The following UPB1 variants were observed in gnomAD, a reference collection of about 807,000 sequenced individuals.
The protein encoded by UPB1 is beta-ureidopropionase 1, also known as beta-ureidopropionase.
In UPB1, 40 loss-of-function variants were observed where a neutral mutation model predicts 49.1. That is an observed-to-expected ratio of 0.81 (90% CI 0.63 to 1.06). The LOEUF (loss-of-function observed/expected upper bound fraction) is 1.06, where lower values mean the gene tolerates loss of function less well. UPB1 is among the 50% of genes least tolerant of loss of function. UPB1 has a pLI of 0.00. For missense variants in UPB1, 499 were observed against 505.9 expected (o/e 0.99, Z 0.13); for synonymous variants, 207 against 198.2 (o/e 1.04, Z -0.38).
chr22:24,520,155 T>A, intron 6 of UPB1: 2 of 584,636 alleles, frequency 3.4e-6, no homozygotes, highest in Non-Finnish European at 6.1e-6. Context: ...CAAAGGCTGT[T>A]CAGGCCAGGG....
intron 2 of UPB1, among the ~76,000 whole-genome samples, chr22:24,501,657 G>C (rs181375471): frequency 6.6e-6 from 1 of 152,216 alleles, no homozygotes; most frequent in Non-Finnish European, 1.5e-5. Flanking sequence ...ACCAAAGCAC[G>C]GGGATTTAAA....
In UPB1 at chr22:24,502,148, T is replaced by C. The variant is rs1302175546; in HGVS notation, c.299T>C (p.Ile100Thr). The C allele has an allele frequency of 2.5e-6, 4 of 1,614,132 alleles. No homozygotes were observed. The highest frequency in any genetic ancestry group is 3.3e-5 in the Admixed American group (2 of 60,010). ...CAGGTCTCTGCCCTTCATAGACGCA[T>C]AAAGGCTATCGTAGAGGTGGCTGCA... ...AEQVSALHRR[I>T]KAIVEVAAMC... The change falls in exon 3 of 10, where the codon ATA (isoleucine) becomes ACA (threonine). Residue 100 changes from isoleucine (I) to threonine (T), a missense_variant. Coordinates refer to ENST00000326010, the MANE Select transcript of UPB1 (RefSeq NM_016327.3).
At chr22:24,521,168 T>G (rs1601514595) in intron 7 of UPB1, among the ~76,000 whole-genome samples, 5 of 108,556 alleles carry the variant, frequency 4.6e-5, no homozygotes, top group Admixed American at 2.4e-4. Flanking sequence ...GGTGACAGAG[T>G]GAGACTCTGT....
chr22:24,521,968 C>T lies in UPB1; in HGVS notation c.874-18C>T. On this transcript the variant is annotated intron_variant, in intron 7 of 9. Coordinates refer to ENST00000326010, the MANE Select transcript of UPB1 (RefSeq NM_016327.3). ...AGTGCCACCTATAGGTTCCTCTTACCTTGGTCTTATTTCACAGGAGCACTT... is the reference window on the plus strand; with the variant it reads ...AGTGCCACCTATAGGTTCCTCTTACTTTGGTCTTATTTCACAGGAGCACTT... The T allele has an allele frequency of 6.2e-7, 1 of 1,614,032 alleles. No individual in the cohort carries two copies.
At chr22:24,508,042 TTTC>T (rs1316012252) in intron 3 of UPB1, among the ~76,000 whole-genome samples, 5 of 152,254 alleles carry the variant, frequency 3.3e-5, no homozygotes, top group Admixed American at 3.3e-4. Context: ...GGGGAGCTGT[TTTC>T]TTCTTTCTAC....
intron 9 of UPB1, among the ~76,000 whole-genome samples, chr22:24,525,303 A>G (rs929463271): frequency 5.3e-5 from 8 of 152,112 alleles, no homozygotes; most frequent in Non-Finnish European, 1.0e-4. Flanking sequence ...TGCCACATGG[A>G]GTAGACAGAA....
chr22:24,526,192 G>C lies in UPB1; in HGVS notation c.*398G>C, dbSNP rs145006667. ...GGGTGAGGGCTGATCCAGAGACCCT[G>C]AGCCTACAGCAAGGCTGTGGTGGGT... is the stretch of plus-strand genomic sequence containing the variant. On this transcript the variant is annotated 3_prime_UTR_variant, in exon 10 of 10. Transcript: ENST00000326010. The C allele has an allele frequency of 6.9e-4, 224 of 324,860 alleles. No homozygotes were observed. The highest frequency in any genetic ancestry group is 3.7e-3 in the African/African-American group (170 of 46,526). The allele number at this position is 324,860 out of a possible 1,614,324, so 20.1% of individuals were successfully genotyped here. A position where few individuals can be genotyped will look rare whatever the true frequency, so the allele number is the denominator to read the frequency against.
chr22:24,509,987 C>T (rs1414618238), intron 3 of UPB1, among the ~76,000 whole-genome samples: 1 of 152,162 alleles, frequency 6.6e-6, no homozygotes, highest in Non-Finnish European at 1.5e-5. Context: ...AATCCCAGCA[C>T]TTTGGGAGGC....
rs386395041 is a variant in UPB1 at position 24,511,618 on chromosome 22, A to ATTTT, written c.459+785_459+788dup. Among the ~76,000 whole-genome samples the ATTTT allele has an allele frequency of 2.8e-3, 341 of 122,520 alleles. 4 individuals are homozygous for ATTTT. Among genetic ancestry groups the ATTTT allele is most frequent in the African/African-American group, 8.2e-3 (262 of 32,138 alleles). 80.4% of individuals were successfully genotyped at this position (122,520 alleles called of 152,430 possible). Reference sequence around the variant, plus strand: ...GTGAATTATATATATATATATATATATTTTTTTTTTTTTGAGATGGAGTCT... The same window carrying ATTTT: ...GTGAATTATATATATATATATATATATTTTTTTTTTTTTTTTTGAGATGGAGTCT... On this transcript the variant is annotated intron_variant, in intron 4 of 9. Transcript: ENST00000326010.
In UPB1 at chr22:24,509,766, AACGTGTACAGTCTGTGGC is replaced by A. The variant is rs553381016; in HGVS notation, c.365-981_365-964del. On this transcript the variant is annotated intron_variant, in intron 3 of 9. Transcript: ENST00000326010. The stretch of plus-strand genomic sequence containing the variant: ...ATACATTAACAATATTTACCATTTT[AACGTGTACAGTCTGTGGC>A]ATTAAATACATTCATGTTGTGCAAC... 3.3e-5 allele frequency among the ~76,000 whole-genome samples: 5 copies of A among 152,290 alleles called. No homozygotes were observed. The East Asian group carries it at 9.6e-4, about 29-fold the overall frequency.
rs1455953567 is a variant in UPB1, at chr22:24,520,423, C to T, written c.828C>T (p.Ala276=). The T allele has an allele frequency of 6.2e-7, 1 of 1,614,226 alleles. No homozygotes were observed. The highest frequency in any genetic ancestry group is 2.2e-5 in the East Asian group (1 of 44,878). Residue 276 remains alanine (A), a synonymous_variant, in exon 7 of 10, where the codon GCC becomes GCT. Transcript: ENST00000326010. The stretch of plus-strand genomic sequence containing the variant: ...GGCCCATCGAGGCCAGAAACGCAGC[C>T]ATTGCCAATCACTGCTTCACCTGCG... ...SLWPIEARNA[A]IANHCFTCAI...
At chr22:24,497,919 G>A (rs1275716106) in intron 1 of UPB1, among the ~76,000 whole-genome samples, 1 of 152,186 alleles carries the variant, frequency 6.6e-6, no homozygotes, top group Non-Finnish European at 1.5e-5. Flanking sequence ...TCCTCAGCCT[G>A]TGGTCTCACA....
intron 4 of UPB1, among the ~76,000 whole-genome samples, chr22:24,511,128 AAGTGGCAGAGCTGGC>A (rs2147021822): frequency 1.3e-5 from 2 of 152,274 alleles, no homozygotes; most frequent in South Asian, 4.1e-4. Context: ...CACAGCTGGC[AAGTGGCAGAGCTGGC>A]ATTCAGGGAC....
intron 7 of UPB1, 75 bp from the exon 8 acceptor site, chr22:24,521,911 C>A: frequency 6.6e-7 from 1 of 1,509,822 alleles, no homozygotes; most frequent in Non-Finnish European, 9.2e-7. Flanking sequence ...CCCTGCTCAT[C>A]TGGCTGAGTG....
chr22:24,512,380 T>C lies in UPB1; in HGVS notation c.460-944T>C, dbSNP rs550007124. Among the ~76,000 whole-genome samples the C allele has an allele frequency of 3.9e-5, 6 of 152,308 alleles. No individual in the cohort carries two copies. In the East Asian group the frequency reaches 1.2e-3, roughly 29 times the overall value. Reference sequence around the variant, plus strand: ...ATCCTGTTGTTAAGGCCAGAGATCATGACAGCTAATTAGAGTAGAGGACAA... The same window carrying C: ...ATCCTGTTGTTAAGGCCAGAGATCACGACAGCTAATTAGAGTAGAGGACAA... On this transcript the variant is annotated intron_variant, in intron 4 of 9. Coordinates refer to ENST00000326010, the MANE Select transcript of UPB1 (RefSeq NM_016327.3).
chr22:24,497,707 G>C (rs1009772795), intron 1 of UPB1, among the ~76,000 whole-genome samples: 6 of 152,156 alleles, frequency 3.9e-5, no homozygotes, highest in Non-Finnish European at 8.8e-5. Flanking sequence ...TGAGGTTATG[G>C]CTCATTTGCT....
Position 24,499,983 on chromosome 22 carries a change from G to A in UPB1, c.105-124G>A, listed in dbSNP as rs541365708. 54 of 1,471,062 alleles carry A rather than the reference G, an allele frequency of 3.7e-5. 1 individual carries two copies. The South Asian group carries it at 6.3e-4, about 17-fold the overall frequency. The allele number at this position is 1,471,062 out of a possible 1,614,324, so 91.1% of individuals were successfully genotyped here. On this transcript the variant is annotated intron_variant, in intron 1 of 9. Transcript: ENST00000326010. ...CAGCTCCCTTGGGCCCTGGCACTGA[G>A]CGCCTTCTAGCCAGGACATCCTCAC...
chr22:24,511,355 G>A (rs975320452), intron 4 of UPB1, among the ~76,000 whole-genome samples: 12 of 152,138 alleles, frequency 7.9e-5, no homozygotes, highest in Non-Finnish European at 1.8e-4. Flanking sequence ...ACAGAAAGTA[G>A]ATAAGTGGTG....
chr22:24,524,894 A>G (rs923306554), intron 9 of UPB1, among the ~76,000 whole-genome samples: 1 of 152,100 alleles, frequency 6.6e-6, no homozygotes, highest in African/African-American at 2.4e-5. Context: ...CCACCCAGAC[A>G]TGGGCTTTTG....
Sources: allele counts gnomAD v4.1 joint callset (sites outside exome capture counted in the v4.1 genomes callset), GRCh38; gene constraint gnomAD v4.1.1; transcripts MANE v1.5; gene names NCBI Gene and HGNC (gene_info 2026-07-23, HGNC 2026-07-21).